The following NTRK2 variants were observed in gnomAD, a reference collection of about 807,000 sequenced individuals.
NTRK2 encodes the protein neurotrophic receptor tyrosine kinase 2.
In NTRK2, 13 loss-of-function variants were observed where a neutral mutation model predicts 94.5. The observed-to-expected ratio is 0.14, with a 90% CI of 0.09 to 0.22. The LOEUF (loss-of-function observed/expected upper bound fraction) is 0.22. Ranked by LOEUF, NTRK2 falls within the 10% of genes least tolerant of loss-of-function variation. The probability of loss-of-function intolerance (pLI) is 1.00; values close to 1 mark genes in which losing one functional copy is unlikely to be tolerated. For missense variants in NTRK2, 639 were observed against 1,071.2 expected (o/e 0.60, Z 5.63); for synonymous variants, 372 against 407.4 (o/e 0.91, Z 1.05).
chr9:84,800,753 T>C (rs1463404538), intron 12 of NTRK2, among the ~76,000 whole-genome samples: 2 of 152,162 alleles, frequency 1.3e-5, no homozygotes, highest in Non-Finnish European at 2.9e-5. Flanking sequence ...AAGGACATCT[T>C]ACCTCCCGAG....
At chr9:84,939,800 C>T (rs2078343067) in intron 15 of NTRK2, among the ~76,000 whole-genome samples, 1 of 152,154 alleles carries the variant, frequency 6.6e-6, no homozygotes, top group Non-Finnish European at 1.5e-5. Context: ...AGCTTTCAGG[C>T]ACCACTAGAT....
chr9:84,693,353 A>G (rs1011722530), intron 2 of NTRK2, among the ~76,000 whole-genome samples: 3 of 152,182 alleles, frequency 2.0e-5, no homozygotes, highest in African/African-American at 7.2e-5. Flanking sequence ...ATGAGAAAGA[A>G]AATGTTAAGT....
chr9:84,725,603 T>C (rs1209068), intron 8 of NTRK2, among the ~76,000 whole-genome samples: 128,698 of 149,566 alleles, frequency 0.86, 55,548 homozygotes, highest in East Asian at 1. Flanking sequence ...TCTACACATG[T>C]ATGGACCTTA....
At chr9:85,003,890 A>C (rs1315821106) in intron 17 of NTRK2, among the ~76,000 whole-genome samples, 1 of 150,256 alleles carries the variant, frequency 6.7e-6, no homozygotes. Flanking sequence ...ATATGGGGAT[A>C]AGAGAAAACA....
chr9:84,877,810 G>A (rs201873122), intron 14 of NTRK2: 160 of 1,048,184 alleles, frequency 1.5e-4, no homozygotes, highest in South Asian at 9.6e-4. Flanking sequence ...TGATCTGTCC[G>A]AAAATGAGAT....
intron 17 of NTRK2, among the ~76,000 whole-genome samples, chr9:85,015,586 C>T (rs1327766163): frequency 6.6e-6 from 1 of 152,114 alleles, no homozygotes; most frequent in Non-Finnish European, 1.5e-5. Context: ...TCATCCCCCA[C>T]CAGAAAGAAC....
At chr9:84,751,693 A>G (rs1016105130) in intron 11 of NTRK2, among the ~76,000 whole-genome samples, 1 of 151,994 alleles carries the variant, frequency 6.6e-6, no homozygotes, top group African/African-American at 2.4e-5. Flanking sequence ...CTTTAGATGG[A>G]TGGAGAGAGA....
Position 85,021,481 on chromosome 9 carries a change from C to T in NTRK2, c.*44C>T, listed in dbSNP as rs201575423. 54 of 1,593,826 alleles carry T rather than the reference C, an allele frequency of 3.4e-5. No individual in the cohort carries two copies. The highest frequency in any genetic ancestry group is 1.7e-4 in the Middle Eastern group (1 of 5,890). ...GATCCTTCCCAACGTACTCCTCAGA[C>T]GGGCTGAGAGGATGAACATCTTTTA... On this transcript the variant is annotated 3_prime_UTR_variant, in exon 19 of 19. Coordinates refer to ENST00000277120, the MANE Select transcript of NTRK2 (RefSeq NM_006180.6).
chr9:84,904,644 T>C lies in NTRK2; in HGVS notation c.1634-29518T>C, dbSNP rs73651146. Among the ~76,000 whole-genome samples the C allele has an allele frequency of 6.3e-3, 963 of 152,322 alleles. 13 individuals are homozygous for C. The highest frequency in any genetic ancestry group is 0.022 in the African/African-American group (912 of 41,574). On this transcript the variant is annotated intron_variant, in intron 14 of 18. Coordinates refer to ENST00000277120, the MANE Select transcript of NTRK2 (RefSeq NM_006180.6). ...CAACAGAATATTCTGTGAAGGTGTA[T>C]GGGAGGTATTTCTGTCATATTACAT... is the stretch of plus-strand genomic sequence containing the variant.
chr9:84,719,243 C>T (rs2061905880), intron 6 of NTRK2, among the ~76,000 whole-genome samples: 1 of 151,904 alleles, frequency 6.6e-6, no homozygotes, highest in Non-Finnish European at 1.5e-5. Flanking sequence ...TTGACTTTTC[C>T]AAAACTCATA....
chr9:84,948,378 C>T, intron 15 of NTRK2, 84 bp from the exon 16 acceptor site: 2 of 1,410,014 alleles, frequency 1.4e-6, no homozygotes, highest in Non-Finnish European at 9.9e-7. Context: ...CATCTTTTGC[C>T]TAACAAATGA....
chr9:84,882,719 T>TGTGCGCGCGTGC (rs761042296), intron 14 of NTRK2, among the ~76,000 whole-genome samples: 2 of 145,832 alleles, frequency 1.4e-5, no homozygotes, highest in Admixed American at 1.4e-4. Flanking sequence ...TGTGTGTGTG[T>TGTGCGCGCGTGC]GCGCGCGCGC....
At chr9:84,965,448 A>G (rs1175148146) in intron 17 of NTRK2, among the ~76,000 whole-genome samples, 3 of 152,162 alleles carry the variant, frequency 2.0e-5, no homozygotes, top group Non-Finnish European at 4.4e-5. Context: ...AGATAAACTG[A>G]TTTGGGGGGA....
chr9:84,794,229 T>C (rs2069033673), intron 12 of NTRK2, among the ~76,000 whole-genome samples: 1 of 152,086 alleles, frequency 6.6e-6, no homozygotes, highest in Non-Finnish European at 1.5e-5. Context: ...TCTATGAAAA[T>C]ACAAAATTAC....
At position 84,809,899 on chromosome 9, in the gene NTRK2, A is replaced by AAAAG. The variant is rs1564326739; in HGVS notation, c.1397-51134_1397-51131dup. Among the ~76,000 whole-genome samples the AAAAG allele has an allele frequency of 3.3e-4, 49 of 148,742 alleles. 1 individual carries two copies. Among genetic ancestry groups the AAAAG allele is most frequent in the African/African-American group, 1.2e-3 (47 of 39,396 alleles). On this transcript the variant is annotated intron_variant, in intron 12 of 18. Coordinates refer to ENST00000277120, the MANE Select transcript of NTRK2 (RefSeq NM_006180.6). ...TCTGTCTGGAAAAAAAAAAAAAAAA[A>AAAAG]AAAGAAAGAAGAGAGAAGAATCTAA... is the stretch of plus-strand genomic sequence containing the variant.
At chr9:84,840,265 CTTTTT>C (rs1158579395) in intron 12 of NTRK2, among the ~76,000 whole-genome samples, 1 of 101,858 alleles carries the variant, frequency 9.8e-6, no homozygotes, top group African/African-American at 3.6e-5. Context: ...ATTGACAATT[CTTTTT>C]TTTTTTTTTT....
chr9:84,952,313 A>C (rs915069830), intron 16 of NTRK2, among the ~76,000 whole-genome samples: 1 of 152,178 alleles, frequency 6.6e-6, no homozygotes, highest in Non-Finnish European at 1.5e-5. Context: ...GTGGTGTGCT[A>C]TAGAATCCTG....
intron 12 of NTRK2, among the ~76,000 whole-genome samples, chr9:84,841,117 C>A (rs967493684): frequency 1.3e-5 from 2 of 152,154 alleles, no homozygotes; most frequent in Admixed American, 6.5e-5. Flanking sequence ...TGGGTAGAAA[C>A]CTCAGATGCA....
In NTRK2 at chr9:84,727,205, A is replaced by G. The variant is rs1588193160; in HGVS notation, c.854-449A>G. Among the ~76,000 whole-genome samples, 6 of 148,140 alleles carry G rather than the reference A, an allele frequency of 4.1e-5. 1 individual carries two copies. Among genetic ancestry groups the G allele is most frequent in the Admixed American group, 4.0e-4 (6 of 15,186 alleles). ...AGATCAGGGCTTCAGGCAAAATTTT[A>G]AAAGTCATTTTTGTTATTTAGGAAA... On this transcript the variant is annotated intron_variant, in intron 8 of 18. Coordinates refer to ENST00000277120, the MANE Select transcript of NTRK2 (RefSeq NM_006180.6).
Sources: allele counts gnomAD v4.1 joint callset (sites outside exome capture counted in the v4.1 genomes callset), GRCh38; gene constraint gnomAD v4.1.1; transcripts MANE v1.5; gene names NCBI Gene and HGNC (gene_info 2026-07-23, HGNC 2026-07-21).